SMIM35: variants seen among roughly 807,000 people sequenced by gnomAD.
SMIM35 encodes small integral membrane protein 35, also known as TMPRSS4 antisense RNA 1 (non-protein coding).
intron 1 of SMIM35, among the ~76,000 whole-genome samples, chr11:118,037,782 C>T (rs527578314): frequency 7.9e-5 from 12 of 152,246 alleles, no homozygotes; most frequent in African/African-American, 2.2e-4. Context: ...GTACCTAGTC[C>T]GCCTAGTACT....
intron 1 of SMIM35, among the ~76,000 whole-genome samples, chr11:118,017,926 C>T (rs889404915): frequency 6.6e-6 from 1 of 152,166 alleles, no homozygotes; most frequent in Non-Finnish European, 1.5e-5. Flanking sequence ...AGGGTACCCA[C>T]CCCCATGATT....
chr11:118,015,475 G>A (rs1214920511), intron 2 of SMIM35, among the ~76,000 whole-genome samples: 1 of 152,046 alleles, frequency 6.6e-6, no homozygotes. Context: ...TGCTGGGGTG[G>A]GAGGAGCCCC....
At chr11:118,082,608 A>T (rs1345856199) in intron 1 of SMIM35, among the ~76,000 whole-genome samples, 2 of 152,106 alleles carry the variant, frequency 1.3e-5, no homozygotes, top group Non-Finnish European at 2.9e-5. Context: ...GAGGTTCATG[A>T]CTTGAAAAGG....
intron 1 of SMIM35, among the ~76,000 whole-genome samples, chr11:118,026,946 G>A (rs983302229): frequency 2.0e-5 from 3 of 151,436 alleles, no homozygotes; most frequent in African/African-American, 2.4e-5. Context: ...GTTGCTACAG[G>A]TGAAAATTCT....
intron 1 of SMIM35, among the ~76,000 whole-genome samples, chr11:118,053,543 A>G (rs1240815014): frequency 1.3e-5 from 2 of 152,288 alleles, no homozygotes; most frequent in Admixed American, 1.3e-4. Context: ...TCCTCCAAAC[A>G]GCAGTCCTGA....
Position 118,042,216 on chromosome 11 carries a change from C to T in SMIM35, c.8-26407G>A, listed in dbSNP as rs75875948. Among the ~76,000 whole-genome samples, 1,184 of 151,674 alleles carry T rather than the reference C, an allele frequency of 7.8e-3. 13 individuals are homozygous for T. The highest frequency in any genetic ancestry group is 0.028 in the African/African-American group (1,138 of 41,352). ...GCATAAGATCAACAAAACTGACAAA[C>T]CTTTAGCTAAGTTAACCAAGAAAAA... On this transcript the variant is annotated intron_variant, in intron 1 of 4. Coordinates refer to ENST00000689828, the MANE Select transcript of SMIM35 (RefSeq NM_001394165.1).
rs2058111793 is a variant in SMIM35 at position 118,004,409 on chromosome 11, G to A, written c.*2001C>T. The A allele has an allele frequency of 6.6e-6, 1 of 152,292 alleles. No individual in the cohort carries two copies. The highest frequency in any genetic ancestry group is 1.5e-5 in the Non-Finnish European group (1 of 68,070). 9.4% of individuals were successfully genotyped at this position (152,292 alleles called of 1,614,324 possible). Reference sequence around the variant, plus strand: ...GGGCAACAGGCTGGAGTGAAAGAAGGAGGTCTCAGAAGTGCTAGTCACACT... The same window carrying A: ...GGGCAACAGGCTGGAGTGAAAGAAGAAGGTCTCAGAAGTGCTAGTCACACT... On this transcript the variant is annotated 3_prime_UTR_variant, in exon 5 of 5. Transcript: ENST00000689828.
chr11:118,040,991 T>C (rs1187414774), intron 1 of SMIM35, among the ~76,000 whole-genome samples: 2 of 151,632 alleles, frequency 1.3e-5, no homozygotes, highest in African/African-American at 4.8e-5. Flanking sequence ...ATAACAATAA[T>C]ACACAAAAGA....
At chr11:118,028,020 A>G (rs2058288582) in intron 1 of SMIM35, among the ~76,000 whole-genome samples, 1 of 152,240 alleles carries the variant, frequency 6.6e-6, no homozygotes, top group African/African-American at 2.4e-5. Flanking sequence ...AGGGCAAGAT[A>G]TGCATTCAAG....
intron 1 of SMIM35, among the ~76,000 whole-genome samples, chr11:118,081,390 C>T (rs1945119207): frequency 1.3e-5 from 2 of 152,208 alleles, no homozygotes; most frequent in Non-Finnish European, 2.9e-5. Flanking sequence ...AACGCCACCT[C>T]CCAGCCTGCC....
intron 1 of SMIM35, among the ~76,000 whole-genome samples, chr11:118,023,007 A>G (rs1056446514): frequency 6.6e-5 from 10 of 151,426 alleles, no homozygotes; most frequent in Non-Finnish European, 1.3e-4. Context: ...ACCAAGACCC[A>G]AAAAGGTCAA....
At chr11:118,057,584 G>A (rs1054306742) in intron 1 of SMIM35, among the ~76,000 whole-genome samples, 2 of 152,224 alleles carry the variant, frequency 1.3e-5, no homozygotes, top group African/African-American at 4.8e-5. Flanking sequence ...AGGTGCAGGG[G>A]TGATGTGGGT....
At chr11:118,058,247 C>A (rs1783846) in intron 1 of SMIM35, among the ~76,000 whole-genome samples, 24,154 of 152,072 alleles carry the variant, frequency 0.16, 2,123 homozygotes, top group East Asian at 0.3. Context: ...CTGCCACACA[C>A]CTCTCAGGAC....
At position 118,083,805 on chromosome 11, in the gene SMIM35, C is replaced by T. The variant is rs149730619; in HGVS notation, c.7+2946G>A. Among the ~76,000 whole-genome samples, 16 of 152,162 alleles carry T rather than the reference C, an allele frequency of 1.1e-4. No individual in the cohort carries two copies. In the East Asian group the frequency reaches 1.9e-3, roughly 18 times the overall value. The stretch of plus-strand genomic sequence containing the variant: ...GTGCAGTGGCTCACACCTGTAATCC[C>T]GCTTTGGGAGGCCGAAAAGGGCAGA... On this transcript the variant is annotated intron_variant, in intron 1 of 4. Transcript: ENST00000689828.
intron 1 of SMIM35, among the ~76,000 whole-genome samples, chr11:118,074,280 A>T (rs1003107027): frequency 6.6e-6 from 1 of 152,152 alleles, no homozygotes; most frequent in Non-Finnish European, 1.5e-5. Flanking sequence ...CAGATAAGGA[A>T]AGGGAAGAAG....
At chr11:118,071,948 G>A (rs1371362837) in intron 1 of SMIM35, among the ~76,000 whole-genome samples, 4 of 152,178 alleles carry the variant, frequency 2.6e-5, no homozygotes, top group African/African-American at 9.7e-5. Context: ...CACATACCTT[G>A]AGCAGGAAGG....
At chr11:118,017,069 G>A (rs1015595870) in intron 1 of SMIM35, among the ~76,000 whole-genome samples, 1 of 152,110 alleles carries the variant, frequency 6.6e-6, no homozygotes. Context: ...AAAAACCCAG[G>A]CCCTTAGAGA....
chr11:118,074,260 A>G (rs1363389328), intron 1 of SMIM35, among the ~76,000 whole-genome samples: 2 of 152,172 alleles, frequency 1.3e-5, no homozygotes, highest in Non-Finnish European at 2.9e-5. Context: ...CTTGACACAC[A>G]TGCTGGAAAC....
At chr11:118,050,599 C>T (rs553902828) in intron 1 of SMIM35, among the ~76,000 whole-genome samples, 1 of 152,226 alleles carries the variant, frequency 6.6e-6, no homozygotes, top group Admixed American at 6.5e-5. Flanking sequence ...TCCTGAGCAC[C>T]CCCGCAGTCC....
Sources: gnomAD v4.1 joint callset for allele counts (sites outside exome capture counted in the v4.1 genomes callset) on GRCh38, gnomAD v4.1.1 for gene constraint, MANE v1.5 for transcripts, NCBI Gene and HGNC (gene_info 2026-07-23, HGNC 2026-07-21) for gene names.